Variants in DYSF observed in about 807,000 individuals in gnomAD.
DYSF encodes dysferlin, also known as dystrophy-associated fer-1-like 1.
DYSF carries 212 observed loss-of-function variants against 274.9 expected under a neutral mutation model. The observed-to-expected ratio is 0.77, with a 90% CI of 0.69 to 0.86. DYSF has a LOEUF of 0.86. Among genes scored for constraint, DYSF ranks in the 40% least tolerant of loss-of-function variants. DYSF has a pLI of 0.00. For synonymous variants in DYSF, 1,091 were observed against 1,078.7 expected (o/e 1.01, Z -0.22); for missense variants, 2,666 against 2,783.2 (o/e 0.96, Z 0.95).
intron 21 of DYSF, among the ~76,000 whole-genome samples, chr2:71,555,020 G>C (rs1295371052): frequency 6.6e-6 from 1 of 152,138 alleles, no homozygotes; most frequent in African/African-American, 2.4e-5. Flanking sequence ...TGGAGGGAAG[G>C]GGGACTGGAG....
intron 38 of DYSF, 40 bp from the exon 39 acceptor site, chr2:71,612,601 A>T (rs1280140595): frequency 6.2e-6 from 10 of 1,609,332 alleles, no homozygotes; most frequent in Middle Eastern, 1.6e-4. Flanking sequence ...GACTTCCCAG[A>T]GGGGGATTCA....
chr2:71,533,761 C>T (rs985628419), intron 14 of DYSF, among the ~76,000 whole-genome samples: 9 of 152,182 alleles, frequency 5.9e-5, no homozygotes, highest in Non-Finnish European at 8.8e-5. Context: ...TTCCCATAGC[C>T]TTGCCAACAG....
chr2:71,595,779 GGCACGATGTGC>G (rs1281523494), intron 32 of DYSF, among the ~76,000 whole-genome samples: 7 of 152,198 alleles, frequency 4.6e-5, no homozygotes, highest in Non-Finnish European at 7.3e-5. Flanking sequence ...CCTCAGCTAG[GGCACGATGTGC>G]GCTGCATATG....
chr2:71,614,044 G>A (rs574712071), intron 40 of DYSF, among the ~76,000 whole-genome samples: 1 of 152,312 alleles, frequency 6.6e-6, no homozygotes, highest in East Asian at 1.9e-4. Flanking sequence ...TGATGCAGAT[G>A]CCAATGCCAC....
chr2:71,527,141 G>A lies in DYSF; in HGVS notation c.1276+795G>A, dbSNP rs2088021847. Among the ~76,000 whole-genome samples, 3 of 152,128 alleles carry A rather than the reference G, an allele frequency of 2.0e-5. No homozygotes were observed. The South Asian group carries it at 6.2e-4, about 32-fold the overall frequency. ...CCGGGGCCCCACCTCCAGCGTTTTA[G>A]ATTGACTCGAGTTAGGGCAGGGCTC... is the stretch of plus-strand genomic sequence containing the variant. On this transcript the variant is annotated intron_variant, in intron 13 of 55. Coordinates refer to ENST00000410020, the MANE Select transcript of DYSF (RefSeq NM_001130987.2).
At chr2:71,541,494 A>G (rs1186246806) in intron 17 of DYSF, among the ~76,000 whole-genome samples, 1 of 136,976 alleles carries the variant, frequency 7.3e-6, no homozygotes, top group Non-Finnish European at 1.6e-5. Flanking sequence ...CTTATTTCTA[A>G]TGCTATGTAT....
intron 19 of DYSF, among the ~76,000 whole-genome samples, chr2:71,552,003 A>ATT (rs1308766553): frequency 6.6e-6 from 1 of 152,254 alleles, no homozygotes; most frequent in Non-Finnish European, 1.5e-5. Context: ...TATTAATAAC[A>ATT]TAAGGATAGC....
At chr2:71,670,394 G>A (rs1029296842) in intron 51 of DYSF, among the ~76,000 whole-genome samples, 1 of 152,262 alleles carries the variant, frequency 6.6e-6, no homozygotes, top group South Asian at 2.1e-4. Flanking sequence ...AAGAAGGCCA[G>A]TCTGGCCTAT....
chr2:71,477,829 AAAG>A (rs1258899276), intron 1 of DYSF, among the ~76,000 whole-genome samples: 3 of 152,234 alleles, frequency 2.0e-5, no homozygotes, highest in Non-Finnish European at 2.9e-5. Context: ...ATGTAGTATC[AAAG>A]AAGGATATTC....
At chr2:71,564,022 T>C in intron 23 of DYSF, 36 bp from the exon 24 acceptor site, 1 of 1,612,580 alleles carries the variant, frequency 6.2e-7, no homozygotes, top group Non-Finnish European at 8.5e-7. Context: ...GCCTGGTGTG[T>C]CACCATCCCC....
At chr2:71,686,430 T>G in intron 55 of DYSF, 24 bp from the exon 56 acceptor site, 1 of 1,613,742 alleles carries the variant, frequency 6.2e-7, no homozygotes, top group Non-Finnish European at 8.5e-7. Flanking sequence ...TCACCATGGG[T>G]CCCTGTCTCC....
intron 1 of DYSF, among the ~76,000 whole-genome samples, chr2:71,461,516 G>T (rs7582021): frequency 6.6e-6 from 1 of 152,150 alleles, no homozygotes; most frequent in Admixed American, 6.5e-5. Context: ...CCTTTGGCCC[G>T]AGGAAATGAA....
rs565956852 is a variant in DYSF, at chr2:71,604,400, G to C, written c.3957+1595G>C. On this transcript the variant is annotated intron_variant, in intron 36 of 55. Transcript: ENST00000410020. The stretch of plus-strand genomic sequence containing the variant: ...TCTTCTTTGCTGTGACCAAGCTCCT[G>C]CCTTGTATCTCCCATCTGGCTGCTC... Among the ~76,000 whole-genome samples the C allele has an allele frequency of 9.1e-4, 138 of 152,320 alleles. No homozygotes were observed. The Middle Eastern group carries it at 0.027, about 30-fold the overall frequency.
chr2:71,577,546 G>A (rs868253510), intron 30 of DYSF, among the ~76,000 whole-genome samples: 14 of 126,674 alleles, frequency 1.1e-4, no homozygotes, highest in South Asian at 5.4e-4. Context: ...ACACTAACAC[G>A]TACACAATCA....
intron 30 of DYSF, among the ~76,000 whole-genome samples, chr2:71,584,474 A>T (rs17429787): frequency 6.6e-6 from 1 of 151,890 alleles, no homozygotes; most frequent in Non-Finnish European, 1.5e-5. Flanking sequence ...AAGTGAGTCC[A>T]CATTAATCCC....
intron 1 of DYSF, among the ~76,000 whole-genome samples, chr2:71,470,877 C>T (rs906696025): frequency 7.3e-5 from 11 of 150,932 alleles, no homozygotes; most frequent in Non-Finnish European, 1.3e-4. Flanking sequence ...TTGCAACCGC[C>T]GCCTCCCAGG....
chr2:71,460,446 G>C (rs900108011), intron 1 of DYSF, among the ~76,000 whole-genome samples: 11 of 152,212 alleles, frequency 7.2e-5, no homozygotes, highest in Non-Finnish European at 1.0e-4. Flanking sequence ...CCCAAGTAAA[G>C]TGCTGTGGAA....
intron 31 of DYSF, 132 bp downstream of exon 31, chr2:71,589,818 C>T: frequency 1.1e-6 from 1 of 908,878 alleles, no homozygotes; most frequent in African/African-American, 1.6e-5. Flanking sequence ...TTTGGTGGGT[C>T]AGTGCTGTGT....
At chr2:71,564,032 C>T (rs753942934) in intron 23 of DYSF, 26 bp from the exon 24 acceptor site, 5 of 1,613,376 alleles carry the variant, frequency 3.1e-6, no homozygotes, top group African/African-American at 1.3e-5. Flanking sequence ...TCACCATCCC[C>T]ACCCCGACCA....
Sources: gnomAD v4.1 joint callset for allele counts (sites outside exome capture counted in the v4.1 genomes callset) on GRCh38, gnomAD v4.1.1 for gene constraint, MANE v1.5 for transcripts, NCBI Gene and HGNC (gene_info 2026-07-23, HGNC 2026-07-21) for gene names.